The following NF2 variants were observed in gnomAD, a reference collection of about 807,000 sequenced individuals.
NF2 encodes the protein NF2, moesin-ezrin-radixin like (MERLIN) tumor suppressor, also known as merlin.
Under a neutral mutation model 83.7 loss-of-function variants are expected in NF2, and 8 were observed. That is an observed-to-expected ratio of 0.10 (90% CI 0.06 to 0.17). The LOEUF (loss-of-function observed/expected upper bound fraction) is 0.17, where lower values mean the gene tolerates loss of function less well. Among genes scored for constraint, NF2 ranks in the 10% least tolerant of loss-of-function variants. The pLI, the probability that NF2 is intolerant of heterozygous loss-of-function variation, is 1.00. For synonymous variants in NF2, 266 were observed against 269.6 expected, an observed-to-expected ratio of 0.99 and a Z score of 0.13; for missense variants, 533 against 744.4, an observed-to-expected ratio of 0.72 and a Z score of 3.31.
At position 29,696,985 on chromosome 22, in the gene NF2, T is replaced by G. The variant is rs1485143510; in HGVS notation, c.*2183T>G. 4 of 182,282 alleles carry G rather than the reference T, an allele frequency of 2.2e-5. No homozygotes were observed. Among genetic ancestry groups the G allele is most frequent in the Non-Finnish European group, 4.7e-5 (4 of 85,662 alleles). The allele number at this position is 182,282 out of a possible 1,614,324, so 11.3% of individuals were successfully genotyped here. ...GCGTGTGCCACCATGCCTGGCTAAT[T>G]TTTGTATTTTTAGTAGAGATGGGGT... On this transcript the variant is annotated 3_prime_UTR_variant, in exon 16 of 16. Coordinates refer to ENST00000338641, the MANE Select transcript of NF2 (RefSeq NM_000268.4).
At chr22:29,661,893 G>A (rs1206715634) in intron 8 of NF2, among the ~76,000 whole-genome samples, 1 of 152,164 alleles carries the variant, frequency 6.6e-6, no homozygotes, top group Non-Finnish European at 1.5e-5. Flanking sequence ...GGACATATAT[G>A]TGTTTTGTGT....
chr22:29,655,513 T>C (rs1267009995), intron 5 of NF2, 81 bp from the exon 6 acceptor site: 2 of 992,752 alleles, frequency 2.0e-6, no homozygotes, highest in Non-Finnish European at 3.2e-6. Flanking sequence ...TTTGTAAAAA[T>C]GATGCATAAT....
At chr22:29,687,627 C>T (rs1383965917) in intron 15 of NF2, among the ~76,000 whole-genome samples, 1 of 152,158 alleles carries the variant, frequency 6.6e-6, no homozygotes, top group East Asian at 1.9e-4. Flanking sequence ...TATAGCCAAC[C>T]CTCCTTATGA....
In NF2 at chr22:29,681,553, TGAG is replaced by T; in HGVS notation, c.1690_1692del (p.Glu564del). On this transcript the variant is annotated inframe_deletion, in exon 15 of 16. Coordinates refer to ENST00000338641, the MANE Select transcript of NF2 (RefSeq NM_000268.4). ...AGACAGCTCTGGATATTCTGCACAA[TGAG>T]AACTCCGACAGGGGTGGCAGCAGCA... 1.2e-6 allele frequency: 2 copies of T among 1,614,104 alleles called. No homozygotes were observed. Among genetic ancestry groups the T allele is most frequent in the Non-Finnish European group, 1.7e-6 (2 of 1,180,008 alleles).
rs377537064 is a variant in NF2, at chr22:29,636,731, C to A, written c.115-20C>A. The stretch of plus-strand genomic sequence containing the variant: ...TGATTTTTGCTCACAGTGTCCTTCC[C>A]CATTGGTTTGTTATTGCAGATGAAG... On this transcript the variant is annotated intron_variant, in intron 1 of 15. Coordinates refer to ENST00000338641, the MANE Select transcript of NF2 (RefSeq NM_000268.4). This position sits in a 1 kb window ranked among gnomAD's most constrained non-coding sequence, Gnocchi z 4.4. 1.2e-6 allele frequency: 2 copies of A among 1,614,072 alleles called. No homozygotes were observed. The highest frequency in any genetic ancestry group is 1.7e-6 in the Non-Finnish European group (2 of 1,180,002).
intron 4 of NF2, among the ~76,000 whole-genome samples, chr22:29,650,518 T>TTGTG (rs1246180355): frequency 5.9e-5 from 9 of 152,178 alleles, no homozygotes; most frequent in African/African-American, 2.2e-4. Flanking sequence ...GTTTGTTTGT[T>TTGTG]TCTTTCTTTT....
chr22:29,655,751 A>T, intron 6 of NF2, 75 bp downstream of exon 6: 1 of 1,156,308 alleles, frequency 8.6e-7, no homozygotes. Flanking sequence ...GAACTGCAAA[A>T]CTAGGACATG....
At position 29,623,738 on chromosome 22, in the gene NF2, G is replaced by A. The variant is rs139054380; in HGVS notation, c.115-13013G>A. Among the ~76,000 whole-genome samples the A allele has an allele frequency of 3.3e-5, 5 of 152,234 alleles. No homozygotes were observed. The Middle Eastern group carries it at 0.01, about 311-fold the overall frequency. The stretch of plus-strand genomic sequence containing the variant: ...CTTTCTCTTGTCTGGTTCCTGCATC[G>A]TTTTACTTGTGTAAAATCATCAAGA... On this transcript the variant is annotated intron_variant, in intron 1 of 15. Transcript: ENST00000338641.
intron 1 of NF2, among the ~76,000 whole-genome samples, chr22:29,606,067 A>T (rs1378952900): frequency 6.6e-6 from 1 of 152,106 alleles, no homozygotes; most frequent in African/African-American, 2.4e-5. Flanking sequence ...CGATTCTCCC[A>T]CATCAGCCTC....
chr22:29,693,888 C>T (rs372128396), intron 15 of NF2, among the ~76,000 whole-genome samples: 120 of 152,328 alleles, frequency 7.9e-4, no homozygotes, highest in Middle Eastern at 6.8e-3. Context: ...AACACAGTCA[C>T]ACCCAAGGCA....
intron 7 of NF2, among the ~76,000 whole-genome samples, chr22:29,659,990 A>G (rs1182296518): frequency 6.6e-6 from 1 of 152,174 alleles, no homozygotes; most frequent in Non-Finnish European, 1.5e-5. Context: ...TTAGATGGGT[A>G]CTTCTCTTCA....
intron 10 of NF2, among the ~76,000 whole-genome samples, chr22:29,670,189 G>T (rs2066739418): frequency 6.6e-6 from 1 of 152,048 alleles, no homozygotes; most frequent in Non-Finnish European, 1.5e-5. Context: ...GTAGAGATCA[G>T]GTCTTGCTAT....
chr22:29,619,707 T>A (rs1202297630), intron 1 of NF2, among the ~76,000 whole-genome samples: 1 of 152,072 alleles, frequency 6.6e-6, no homozygotes, highest in Non-Finnish European at 1.5e-5. Context: ...TCCCATGGGT[T>A]TTAAGTAGTG....
At chr22:29,689,025 A>G (rs1259285352) in intron 15 of NF2, among the ~76,000 whole-genome samples, 2 of 152,046 alleles carry the variant, frequency 1.3e-5, no homozygotes, top group Non-Finnish European at 2.9e-5. Context: ...CTAAAAATAC[A>G]AAAATTAGCT....
chr22:29,673,841 A>G (rs1427098084), intron 12 of NF2, among the ~76,000 whole-genome samples: 1 of 152,206 alleles, frequency 6.6e-6, no homozygotes, highest in Admixed American at 6.5e-5. Context: ...GCATTTAAAA[A>G]AAGTGTGGTT....
chr22:29,624,835 T>A (rs910131750), intron 1 of NF2, among the ~76,000 whole-genome samples: 44 of 150,130 alleles, frequency 2.9e-4, no homozygotes, highest in African/African-American at 1.1e-3. Context: ...CTTTCTTTCT[T>A]TCTTTCTTTC....
intron 4 of NF2, among the ~76,000 whole-genome samples, chr22:29,645,463 C>G (rs2065957316): frequency 6.6e-6 from 1 of 152,172 alleles, no homozygotes; most frequent in African/African-American, 2.4e-5. Context: ...AATGGGCCCT[C>G]ATTCAACTAA....
chr22:29,690,661 G>A (rs2067379822), intron 15 of NF2, among the ~76,000 whole-genome samples: 1 of 152,250 alleles, frequency 6.6e-6, no homozygotes, highest in Admixed American at 6.5e-5. Context: ...ATTAGTGACA[G>A]ACTTGAGCAG....
intron 15 of NF2, among the ~76,000 whole-genome samples, chr22:29,689,177 C>CA (rs140087): frequency 1.3e-3 from 113 of 89,164 alleles, no homozygotes; most frequent in Non-Finnish European, 1.7e-3. Context: ...GACTCCGTCT[C>CA]AAAAAAAAAA....
Sources: allele counts gnomAD v4.1 joint callset (sites outside exome capture counted in the v4.1 genomes callset), GRCh38; gene constraint gnomAD v4.1.1; non-coding constraint Gnocchi (gnomAD v3.1); transcripts MANE v1.5; gene names NCBI Gene and HGNC (gene_info 2026-07-23, HGNC 2026-07-21).